CLASP2: variants seen among roughly 807,000 people sequenced by gnomAD.
CLASP2 encodes cytoplasmic linker associated protein 2.
Under a neutral mutation model 194.4 loss-of-function variants are expected in CLASP2, and 47 were observed. The observed-to-expected ratio is 0.24, with a 90% CI of 0.19 to 0.31. The LOEUF (loss-of-function observed/expected upper bound fraction) is 0.31, where lower values mean the gene tolerates loss of function less well. CLASP2 is among the 10% of genes least tolerant of loss of function. CLASP2 has a pLI of 1.00. For missense variants in CLASP2, 1,445 were observed against 1,823.6 expected (o/e 0.79, Z 3.78); for synonymous variants, 619 against 633.5 (o/e 0.98, Z 0.34).
chr3:33,652,186 C>G (rs2083334681), intron 7 of CLASP2, among the ~76,000 whole-genome samples: 1 of 152,194 alleles, frequency 6.6e-6, no homozygotes, highest in South Asian at 2.1e-4. Flanking sequence ...TGCTCTGATT[C>G]ACATTAAGTA....
rs989251120 is a variant in CLASP2 at position 33,706,051 on chromosome 3, G to C, written c.196-9118C>G. Among the ~76,000 whole-genome samples the C allele has an allele frequency of 5.3e-5, 8 of 152,096 alleles. No homozygotes were observed. In the East Asian group the frequency reaches 1.5e-3, roughly 29 times the overall value. ...AAGCATCACCTGAGCCCAGGAGTTT[G>C]ATACCGGCCTGCACAACATGGCAAG... On this transcript the variant is annotated intron_variant, in intron 1 of 38. Transcript: ENST00000682230.
chr3:33,569,278 C>T (rs191821125), intron 26 of CLASP2, among the ~76,000 whole-genome samples: 3 of 152,290 alleles, frequency 2.0e-5, no homozygotes, highest in Admixed American at 6.5e-5. Context: ...TATCACTATA[C>T]ATCATGGCAT....
At chr3:33,684,539 G>T in intron 5 of CLASP2, 83 bp from the exon 6 acceptor site, 1 of 841,684 alleles carries the variant, frequency 1.2e-6, no homozygotes, top group Non-Finnish European at 1.8e-6. Flanking sequence ...TACACTAACA[G>T]ACCAACTTGA....
Position 33,645,929 on chromosome 3 carries a change from TACACACACACACAC to T in CLASP2, c.716-1040_716-1027del, listed in dbSNP as rs60196645. On this transcript the variant is annotated intron_variant, in intron 7 of 38. Transcript: ENST00000682230. ...TATGCAAATGAAACATCTCCCAGCA[TACACACACACACAC>T]ACACACACACACACACACACACACA... is the stretch of plus-strand genomic sequence containing the variant. Among the ~76,000 whole-genome samples, 688 of 135,194 alleles carry T rather than the reference TACACACACACACAC, an allele frequency of 5.1e-3. 4 individuals are homozygous for T. The highest frequency in any genetic ancestry group is 0.014 in the African/African-American group (509 of 36,674). The allele number at this position is 135,194 out of a possible 152,430, so 88.7% of individuals were successfully genotyped here. A position where few individuals can be genotyped will look rare whatever the true frequency, so the allele number is the denominator to read the frequency against.
chr3:33,676,766 A>C (rs2088733920), intron 6 of CLASP2, among the ~76,000 whole-genome samples: 1 of 152,176 alleles, frequency 6.6e-6, no homozygotes, highest in African/African-American at 2.4e-5. Flanking sequence ...GTGAACAGGC[A>C]ACCTACAAAA....
Position 33,632,324 on chromosome 3 carries a change from TA to T in CLASP2, c.909del (p.Phe303LeufsTer2). 1 of 1,606,010 alleles carries T rather than the reference TA, an allele frequency of 6.2e-7. No homozygotes were observed. The highest frequency in any genetic ancestry group is 1.1e-5 in the South Asian group (1 of 88,526). On this transcript the variant is annotated frameshift_variant, in exon 9 of 39. Coordinates refer to ENST00000682230, the MANE Select transcript of CLASP2 (RefSeq NM_001365631.1). LOFTEE classifies it high-confidence loss of function. The stretch of plus-strand genomic sequence containing the variant: ...GAAGGGACATCTGTAAAAGCTTTTA[TA>T]AAATCATCTTCATCAACTGCTCCAG... ...GGAGAVDEDDFIKAFTDVPSI... is the reference protein window; with the variant it reads ...GGAGAVDEDDXIKAFTDVPSI...
chr3:33,695,421 T>C (rs72858369), intron 2 of CLASP2, among the ~76,000 whole-genome samples: 298 of 151,124 alleles, frequency 2.0e-3, no homozygotes, highest in African/African-American at 6.8e-3. Flanking sequence ...TTTCAGAAAA[T>C]ATTAACACAA....
At chr3:33,588,711 T>A (rs2067982478) in intron 21 of CLASP2, 1 of 702,140 alleles carries the variant, frequency 1.4e-6, no homozygotes, top group South Asian at 1.5e-5. Flanking sequence ...TTACCACCAA[T>A]GGTATTAGCA....
chr3:33,605,666 T>C (rs1338293478), intron 16 of CLASP2, among the ~76,000 whole-genome samples: 1 of 152,186 alleles, frequency 6.6e-6, no homozygotes, highest in African/African-American at 2.4e-5. Context: ...TTTCCCAGGC[T>C]GGAGTGCAGT....
At chr3:33,548,111 T>C (rs1276781597) in intron 30 of CLASP2, among the ~76,000 whole-genome samples, 1 of 152,022 alleles carries the variant, frequency 6.6e-6, no homozygotes, top group Non-Finnish European at 1.5e-5. Flanking sequence ...CAATTTCCTG[T>C]TATAGTTCTA....
intron 27 of CLASP2, chr3:33,563,914 C>T (rs1410735110): frequency 2.2e-6 from 1 of 456,092 alleles, no homozygotes; most frequent in African/African-American, 2.0e-5. Context: ...TATATCCACC[C>T]TGATTTCCTA....
chr3:33,596,674 A>G (rs555346014), intron 19 of CLASP2, 37 bp downstream of exon 19: 4 of 1,476,464 alleles, frequency 2.7e-6, no homozygotes, highest in South Asian at 1.2e-5. Context: ...CAGGTTCCAT[A>G]AAAATCTTTA....
chr3:33,505,986 A>C (rs2048063374), intron 37 of CLASP2, among the ~76,000 whole-genome samples: 1 of 152,238 alleles, frequency 6.6e-6, no homozygotes, highest in African/African-American at 2.4e-5. Context: ...TATGTCCTGG[A>C]AGTATTAAGC....
intron 5 of CLASP2, among the ~76,000 whole-genome samples, chr3:33,685,027 A>AAATAAAT (rs745804133): frequency 3.3e-4 from 46 of 138,304 alleles, no homozygotes; most frequent in African/African-American, 9.1e-4. Flanking sequence ...ATAAATAAAT[A>AAATAAAT]AATAATAATA....
chr3:33,694,678 A>T (rs1053682540), intron 2 of CLASP2, among the ~76,000 whole-genome samples: 2 of 152,248 alleles, frequency 1.3e-5, no homozygotes, highest in Non-Finnish European at 1.5e-5. Context: ...ACTACAAAGC[A>T]ACTTCTGATC....
At chr3:33,686,976 CTTT>C (rs1185131288) in intron 5 of CLASP2, 81 bp downstream of exon 5, 4 of 768,560 alleles carry the variant, frequency 5.2e-6, no homozygotes, top group Non-Finnish European at 8.2e-6. Context: ...CCTCTCTCTT[CTTT>C]TTTAAAAATA....
intron 30 of CLASP2, among the ~76,000 whole-genome samples, chr3:33,547,587 A>G (rs2059347550): frequency 6.6e-6 from 1 of 152,082 alleles, no homozygotes; most frequent in Non-Finnish European, 1.5e-5. Flanking sequence ...GCTGGTCTGT[A>G]GTGTCTTTTT....
At chr3:33,629,244 A>G (rs913954996) in intron 9 of CLASP2, among the ~76,000 whole-genome samples, 2 of 152,196 alleles carry the variant, frequency 1.3e-5, no homozygotes, top group African/African-American at 4.8e-5. Flanking sequence ...TGTTTTTTAA[A>G]CTGAAGAACC....
Position 33,560,942 on chromosome 3 carries a change from C to T in CLASP2, c.2796G>A (p.Val932=), listed in dbSNP as rs756376206. 11 of 1,613,592 alleles carry T rather than the reference C, an allele frequency of 6.8e-6. No homozygotes were observed. The highest frequency in any genetic ancestry group is 8.5e-6 in the Non-Finnish European group (10 of 1,179,818). The part of the protein sequence containing the change: ...RVFSMFLETL[V]DFIQVHKDDL... ...CATCTTTGTGGACTTGTATGAAATC[C>T]ACTAGAGTCTCCAAAAACATGCTGA... is the stretch of plus-strand genomic sequence containing the variant. Residue 932 remains valine (V), a synonymous_variant, in exon 28 of 39, where the codon GTG becomes GTA. Transcript: ENST00000682230.
Sources: allele counts gnomAD v4.1 joint callset (sites outside exome capture counted in the v4.1 genomes callset), GRCh38; gene constraint gnomAD v4.1.1; transcripts MANE v1.5; gene names NCBI Gene and HGNC (gene_info 2026-07-23, HGNC 2026-07-21).